KCNJ15: variants seen among roughly 807,000 people sequenced by gnomAD.
The protein encoded by KCNJ15 is potassium inwardly rectifying channel subfamily J member 15, also known as ATP-sensitive inward rectifier potassium channel 15.
A neutral mutation model predicts 23.0 loss-of-function variants in KCNJ15; 14 were observed. The observed-to-expected ratio is 0.61, with a 90% CI of 0.40 to 0.95. KCNJ15 has a LOEUF of 0.95. Ranked by LOEUF, KCNJ15 falls within the 40% of genes least tolerant of loss-of-function variation. The pLI, the probability that KCNJ15 is intolerant of heterozygous loss-of-function variation, is 0.00. For synonymous variants in KCNJ15, 185 were observed against 183.2 expected (o/e 1.01, Z -0.08); for missense variants, 388 against 461.8 (o/e 0.84, Z 1.46).
intron 1 of KCNJ15, among the ~76,000 whole-genome samples, chr21:38,245,095 C>T (rs1979270246): frequency 6.6e-6 from 1 of 151,798 alleles, no homozygotes; most frequent in African/African-American, 2.4e-5. Flanking sequence ...CTACAGGCGC[C>T]GTCATCACAG....
Position 38,302,794 on chromosome 21 carries a change from T to G in KCNJ15, c.*2405T>G, listed in dbSNP as rs1985893421. 2.0e-5 allele frequency: 3 copies of G among 152,226 alleles called. No homozygotes were observed. The highest frequency in any genetic ancestry group is 1.3e-4 in the Admixed American group (2 of 15,286). 9.4% of individuals were successfully genotyped at this position (152,226 alleles called of 1,614,324 possible). On this transcript the variant is annotated 3_prime_UTR_variant, in exon 3 of 3. Transcript: ENST00000398938. ...GTAGCATAAGATCCAAAAAAAATTT[T>G]GTATTGTCATTTAGCATATCAATTT...
At chr21:38,285,758 G>A (rs569803582) in intron 1 of KCNJ15, 1 of 152,438 alleles carries the variant, frequency 6.6e-6, no homozygotes, top group African/African-American at 2.4e-5. Context: ...CAGGGCTTAA[G>A]GGTCTTTTTG....
At chr21:38,233,025 A>G (rs574912678) in intron 1 of KCNJ15, among the ~76,000 whole-genome samples, 31 of 152,088 alleles carry the variant, frequency 2.0e-4, no homozygotes, top group African/African-American at 7.5e-4. Context: ...TTCCCATTCT[A>G]TACATTATTG....
chr21:38,288,998 G>C (rs143252737), intron 1 of KCNJ15, among the ~76,000 whole-genome samples: 1 of 151,416 alleles, frequency 6.6e-6, no homozygotes, highest in Non-Finnish European at 1.5e-5. Flanking sequence ...TCAGGAGTTC[G>C]AGAGCCTGGC....
At chr21:38,251,510 T>TA (rs960958567) in intron 1 of KCNJ15, among the ~76,000 whole-genome samples, 1 of 152,188 alleles carries the variant, frequency 6.6e-6, no homozygotes, top group African/African-American at 2.4e-5. Context: ...GGAGCCCCTA[T>TA]AGAGAGAGGC....
Position 38,277,027 on chromosome 21 carries a change from TTG to T in KCNJ15, c.-117+19862_-117+19863del, listed in dbSNP as rs3988469. ...GTCTGAGAGTGTTTAGATTAAAAAA[TTG>T]TGTGTGTGTGTGTGTGTGTAAAATT... On this transcript the variant is annotated intron_variant, in intron 1 of 2. Coordinates refer to ENST00000398938, the MANE Select transcript of KCNJ15 (RefSeq NM_170736.3). Among the ~76,000 whole-genome samples the T allele has an allele frequency of 2.2e-3, 327 of 149,938 alleles. 2 individuals are homozygous for T. Among genetic ancestry groups the T allele is most frequent in the African/African-American group, 7.6e-3 (309 of 40,806 alleles).
chr21:38,290,629 C>T (rs1984500856), intron 1 of KCNJ15, among the ~76,000 whole-genome samples: 1 of 152,120 alleles, frequency 6.6e-6, no homozygotes. Flanking sequence ...TTCTTGGGAA[C>T]TGTACCCCAA....
At position 38,305,662 on chromosome 21, in the gene KCNJ15, C is replaced by T. The variant is rs1202713861; in HGVS notation, c.*5273C>T. Reference sequence around the variant, plus strand: ...GATACCTTAAATGTCTTACATGCAACCTTTTTTTCCCCATATATTACAAAA... The same window carrying T: ...GATACCTTAAATGTCTTACATGCAATCTTTTTTTCCCCATATATTACAAAA... On this transcript the variant is annotated 3_prime_UTR_variant, in exon 3 of 3. Coordinates refer to ENST00000398938, the MANE Select transcript of KCNJ15 (RefSeq NM_170736.3). 1.3e-5 allele frequency: 2 copies of T among 152,194 alleles called. No homozygotes were observed. The highest frequency in any genetic ancestry group is 4.8e-5 in the African/African-American group (2 of 41,446). The allele number at this position is 152,194 out of a possible 1,614,324, so 9.4% of individuals were successfully genotyped here. A position where few individuals can be genotyped will look rare whatever the true frequency, so the allele number is the denominator to read the frequency against.
At chr21:38,273,319 T>C (rs906520803) in intron 1 of KCNJ15, among the ~76,000 whole-genome samples, 1 of 152,224 alleles carries the variant, frequency 6.6e-6, no homozygotes, top group Admixed American at 6.5e-5. Context: ...CTGGCAATGT[T>C]TGAAAGGGAT....
chr21:38,289,300 C>A (rs2123702174), intron 1 of KCNJ15, among the ~76,000 whole-genome samples: 1 of 152,162 alleles, frequency 6.6e-6, no homozygotes, highest in South Asian at 2.1e-4. Flanking sequence ...TCAGACAAAC[C>A]CAAACGCTGT....
At position 38,304,662 on chromosome 21, in the gene KCNJ15, C is replaced by CTTTTTTTTTTTTTTTTTTT. The variant is rs543096995; in HGVS notation, c.*4286_*4304dup. On this transcript the variant is annotated 3_prime_UTR_variant, in exon 3 of 3. Transcript: ENST00000398938. Reference sequence around the variant, plus strand: ...TTACCCTTTGTAAACTTCAATTTATCTTTTTTTTTTTTTTTTTTTTTTTTT... The same window carrying CTTTTTTTTTTTTTTTTTTT: ...TTACCCTTTGTAAACTTCAATTTATCTTTTTTTTTTTTTTTTTTTTTTTTTTTTTTTTTTTTTTTTTTTT... 33 of 56,054 alleles carry CTTTTTTTTTTTTTTTTTTT rather than the reference C, an allele frequency of 5.9e-4. 6 individuals carry two copies. Among genetic ancestry groups the CTTTTTTTTTTTTTTTTTTT allele is most frequent in the Non-Finnish European group, 1.1e-3 (30 of 28,116 alleles). 3.5% of individuals were successfully genotyped at this position (56,054 alleles called of 1,614,324 possible). A position where few individuals can be genotyped will look rare whatever the true frequency, so the allele number is the denominator to read the frequency against.
intron 1 of KCNJ15, among the ~76,000 whole-genome samples, chr21:38,289,847 A>T (rs1601236313): frequency 6.6e-6 from 1 of 152,234 alleles, no homozygotes; most frequent in Admixed American, 6.5e-5. Flanking sequence ...TTTGCCAGTC[A>T]TCTCACAACA....
At chr21:38,286,800 A>T (rs920591239) in intron 1 of KCNJ15, among the ~76,000 whole-genome samples, 9 of 152,232 alleles carry the variant, frequency 5.9e-5, no homozygotes, top group African/African-American at 2.2e-4. Context: ...TGAGGAGAAA[A>T]GAACAGCAGT....
chr21:38,292,749 A>G (rs777476863), intron 1 of KCNJ15, among the ~76,000 whole-genome samples: 2 of 152,142 alleles, frequency 1.3e-5, no homozygotes, highest in Non-Finnish European at 2.9e-5. Context: ...TGAGCAGATC[A>G]CCTGAGGTCA....
intron 1 of KCNJ15, among the ~76,000 whole-genome samples, chr21:38,264,414 C>T (rs550801060): frequency 1.9e-4 from 29 of 152,224 alleles, no homozygotes; most frequent in African/African-American, 6.5e-4. Flanking sequence ...CCCTGCTTGG[C>T]CCCACTTTAC....
At chr21:38,273,986 C>T (rs553570747) in intron 1 of KCNJ15, among the ~76,000 whole-genome samples, 9 of 152,320 alleles carry the variant, frequency 5.9e-5, no homozygotes, top group African/African-American at 1.7e-4. Context: ...AGTTGATGAG[C>T]GTGCTGTGAC....
intron 1 of KCNJ15, among the ~76,000 whole-genome samples, chr21:38,236,665 C>T (rs575528458): frequency 6.6e-6 from 1 of 152,326 alleles, no homozygotes; most frequent in East Asian, 1.9e-4. Context: ...TGAATTTATG[C>T]AGCCTTGTTT....
intron 1 of KCNJ15, chr21:38,238,169 A>G (rs1485659322): frequency 2.4e-6 from 1 of 413,866 alleles, no homozygotes; most frequent in East Asian, 5.7e-5. Flanking sequence ...GCAGGACCTG[A>G]GTCTTTAGTC....
chr21:38,273,470 A>G (rs1449619170), intron 1 of KCNJ15, among the ~76,000 whole-genome samples: 1 of 152,204 alleles, frequency 6.6e-6, no homozygotes, highest in Non-Finnish European at 1.5e-5. Flanking sequence ...TCAGAAAGTC[A>G]TTTTCCAAAC....
Sources: gnomAD v4.1 joint callset for allele counts (sites outside exome capture counted in the v4.1 genomes callset) on GRCh38, gnomAD v4.1.1 for gene constraint, MANE v1.5 for transcripts, NCBI Gene and HGNC (gene_info 2026-07-23, HGNC 2026-07-21) for gene names.